MYLK: variants seen among roughly 807,000 people sequenced by gnomAD.
The protein encoded by MYLK is myosin light chain kinase, also known as myosin light chain kinase, smooth muscle.
Under a neutral mutation model 203.4 loss-of-function variants are expected in MYLK, and 106 were observed. The ratio of observed to expected loss-of-function variants is 0.52; its 90% CI spans 0.45 to 0.61. MYLK has a LOEUF of 0.61. Among genes scored for constraint, MYLK ranks in the 20% least tolerant of loss-of-function variants. MYLK has a pLI of 0.00. For synonymous variants in MYLK, 867 were observed against 959.5 expected (o/e 0.90, Z 1.78); for missense variants, 2,072 against 2,442.3 (o/e 0.85, Z 3.20).
At chr3:123,737,288 C>T (rs763938966) in intron 8 of MYLK, 90 bp downstream of exon 8, 30 of 1,549,638 alleles carry the variant, frequency 1.9e-5, no homozygotes, top group South Asian at 1.8e-4. Flanking sequence ...GGTGTATACA[C>T]ACACAGGTGC....
chr3:123,870,041 C>T (rs2032654726), intron 2 of MYLK, among the ~76,000 whole-genome samples: 1 of 151,950 alleles, frequency 6.6e-6, no homozygotes, highest in Non-Finnish European at 1.5e-5. Flanking sequence ...TCTGCCCCTT[C>T]CCACACACAG....
chr3:123,613,336 A>G lies in MYLK; in HGVS notation c.*769T>C, dbSNP rs975914019. 4.5e-5 allele frequency: 4 copies of G among 89,360 alleles called. No individual in the cohort carries two copies. The highest frequency in any genetic ancestry group is 1.3e-4 in the Non-Finnish European group (4 of 31,590). 5.5% of individuals were successfully genotyped at this position (89,360 alleles called of 1,614,324 possible). ...GTTTACAAAGGAAACCACATTAGCA[A>G]GGATTTTTTTTTTCCCATGGGTTCT... is the stretch of plus-strand genomic sequence containing the variant. On this transcript the variant is annotated 3_prime_UTR_variant, in exon 34 of 34. Coordinates refer to ENST00000360304, the MANE Select transcript of MYLK (RefSeq NM_053025.4).
At chr3:123,667,712 A>T (rs1364608667) in intron 20 of MYLK, among the ~76,000 whole-genome samples, 1 of 152,146 alleles carries the variant, frequency 6.6e-6, no homozygotes, top group Non-Finnish European at 1.5e-5. Flanking sequence ...GTTCTCAGGG[A>T]CCTATGAAAG....
chr3:123,673,771 A>G (rs992144858), intron 20 of MYLK, among the ~76,000 whole-genome samples: 9 of 152,136 alleles, frequency 5.9e-5, no homozygotes, highest in African/African-American at 2.2e-4. Flanking sequence ...AACTTTGTGT[A>G]CCAGCCAGTC....
At chr3:123,867,214 G>A (rs1331509082) in intron 2 of MYLK, among the ~76,000 whole-genome samples, 1 of 151,972 alleles carries the variant, frequency 6.6e-6, no homozygotes, top group East Asian at 1.9e-4. Flanking sequence ...GGTGTAGTCT[G>A]TGATATGAAA....
chr3:123,619,260 CTG>C (rs2057706575), intron 32 of MYLK, among the ~76,000 whole-genome samples: 1 of 152,160 alleles, frequency 6.6e-6, no homozygotes, highest in South Asian at 2.1e-4. Flanking sequence ...TGCTGTGTGA[CTG>C]TGGACCAGGA....
chr3:123,881,086 G>A (rs72974257), intron 1 of MYLK, among the ~76,000 whole-genome samples: 15,287 of 152,150 alleles, frequency 0.1, 1,202 homozygotes, highest in East Asian at 0.36. Context: ...GGAGAGGGGC[G>A]TGGCTTGTAT....
intron 33 of MYLK, 142 bp downstream of exon 33, chr3:123,618,497 T>G (rs565179991): frequency 8.8e-7 from 1 of 1,142,048 alleles, no homozygotes; most frequent in Non-Finnish European, 1.3e-6. Context: ...CAGCTCCTGC[T>G]GACCCAGTTT....
intron 3 of MYLK, among the ~76,000 whole-genome samples, chr3:123,811,190 T>C (rs1224217817): frequency 1.3e-5 from 2 of 152,126 alleles, no homozygotes; most frequent in Non-Finnish European, 2.9e-5. Flanking sequence ...GAGGAGAAAG[T>C]GCGTGTCCCC....
Position 123,722,151 on chromosome 3 carries a change from C to T in MYLK, c.1781G>A (p.Cys594Tyr), listed in dbSNP as rs1359974854. 6.4e-7 allele frequency: 1 copy of T among 1,566,192 alleles called. No homozygotes were observed. The highest frequency in any genetic ancestry group is 8.7e-7 in the Non-Finnish European group (1 of 1,155,218). Residue 594 changes from cysteine (C) to tyrosine (Y), a missense_variant, in exon 13 of 34, where the codon TGC becomes TAC. Cys to Tyr is a radical substitution (Grantham distance 194). This residue lies in a region of MYLK where 865 missense variants were observed against 1,016.0 expected (regional missense o/e 0.85). Coordinates refer to ENST00000360304, the MANE Select transcript of MYLK (RefSeq NM_053025.4). ...LAENALGQVS[C>Y]SAWVTVHEKK... is the part of the protein sequence containing the mutation. ...ACCATGGACGGTGACCCAGGCGCTG[C>T]AGGACACCTGCCCCAAGGCATTCTC...
chr3:123,862,809 T>C (rs2032031422), intron 2 of MYLK, among the ~76,000 whole-genome samples: 2 of 152,124 alleles, frequency 1.3e-5, no homozygotes, highest in African/African-American at 4.8e-5. Context: ...TCTCCCCTAC[T>C]TGTTCTTCCA....
At chr3:123,638,569 A>G (rs1454309799) in intron 28 of MYLK, among the ~76,000 whole-genome samples, 1 of 152,162 alleles carries the variant, frequency 6.6e-6, no homozygotes. Context: ...CCCCACCGGC[A>G]GCTTTACAAG....
intron 4 of MYLK, among the ~76,000 whole-genome samples, chr3:123,778,718 G>A (rs1041287933): frequency 1.3e-5 from 2 of 152,160 alleles, no homozygotes; most frequent in Non-Finnish European, 2.9e-5. Context: ...GCTGAAACCT[G>A]CAGGTGTGAC....
intron 12 of MYLK, among the ~76,000 whole-genome samples, chr3:123,725,502 G>A (rs2062247267): frequency 6.6e-6 from 1 of 152,172 alleles, no homozygotes; most frequent in Non-Finnish European, 1.5e-5. Context: ...TAAAAGGTAA[G>A]ATCCCTCATG....
intron 9 of MYLK, 87 bp downstream of exon 9, chr3:123,735,311 G>A: frequency 6.5e-7 from 1 of 1,545,048 alleles, no homozygotes; most frequent in Non-Finnish European, 8.9e-7. Context: ...CCCATAAGAT[G>A]ATTCAGAAAT....
intron 22 of MYLK, among the ~76,000 whole-genome samples, chr3:123,665,195 C>G (rs1255084720): frequency 3.9e-5 from 6 of 152,210 alleles, no homozygotes; most frequent in Admixed American, 3.9e-4. Context: ...CTCAGTTGCA[C>G]TAGCCACATT....
At position 123,733,568 on chromosome 3, in the gene MYLK, A is replaced by G. The variant is rs1320285744; in HGVS notation, c.1309+119T>C. 7.0e-6 allele frequency: 9 copies of G among 1,279,086 alleles called. No homozygotes were observed. The Admixed American group carries it at 1.5e-4, about 22-fold the overall frequency. 79.2% of individuals were successfully genotyped at this position (1,279,086 alleles called of 1,614,324 possible). ...CCCTTGTAAGGTGGTTTTCTAGGGG[A>G]GCTAGTCCAAGAAGATGAGTGGATA... On this transcript the variant is annotated intron_variant, in intron 10 of 33. Coordinates refer to ENST00000360304, the MANE Select transcript of MYLK (RefSeq NM_053025.4).
At chr3:123,672,483 TAGTGGGGTGGGCACC>T (rs2059947278) in intron 20 of MYLK, among the ~76,000 whole-genome samples, 2 of 152,002 alleles carry the variant, frequency 1.3e-5, no homozygotes, top group Non-Finnish European at 1.5e-5. Context: ...TGGGCATCAT[TAGTGGGGTGGGCACC>T]AGTGGGGTGG....
chr3:123,807,120 G>A (rs1428950326), intron 3 of MYLK, among the ~76,000 whole-genome samples: 1 of 152,076 alleles, frequency 6.6e-6, no homozygotes, highest in African/African-American at 2.4e-5. Flanking sequence ...GCTTAGAAAG[G>A]GTTTATCAAG....
Sources: allele counts gnomAD v4.1 joint callset (sites outside exome capture counted in the v4.1 genomes callset), GRCh38; gene constraint gnomAD v4.1.1; regional missense constraint gnomAD v4.1.1; transcripts MANE v1.5; gene names NCBI Gene and HGNC (gene_info 2026-07-23, HGNC 2026-07-21).